SATB1: variants seen among roughly 807,000 people sequenced by gnomAD.
The protein encoded by SATB1 is SATB homeobox 1.
Under a neutral mutation model 86.9 loss-of-function variants are expected in SATB1, and 11 were observed. The observed-to-expected ratio is 0.13, with a 90% CI of 0.08 to 0.21. The LOEUF (loss-of-function observed/expected upper bound fraction) is 0.21, where lower values mean the gene tolerates loss of function less well. Among genes scored for constraint, SATB1 ranks in the 10% least tolerant of loss-of-function variants. SATB1 has a pLI of 1.00. For missense variants in SATB1, 551 were observed against 937.6 expected, an observed-to-expected ratio of 0.59 and a Z score of 5.39; for synonymous variants, 357 against 357.2, an observed-to-expected ratio of 1.00 and a Z score of 0.01.
intron 5 of SATB1, among the ~76,000 whole-genome samples, chr3:18,406,799 T>C (rs1697559510): frequency 6.6e-6 from 1 of 152,022 alleles, no homozygotes; most frequent in Admixed American, 6.6e-5. Flanking sequence ...TTAAGTATAA[T>C]AGGAAAATAT....
intron 9 of SATB1, among the ~76,000 whole-genome samples, chr3:18,356,190 C>T (rs6577640): frequency 0.95 from 144,222 of 151,948 alleles, 68,529 homozygotes; most frequent in East Asian, 1. Flanking sequence ...ACAAATCCTG[C>T]AAAGTTATGT....
At chr3:18,435,989 T>G (rs1323274559) in intron 2 of SATB1, among the ~76,000 whole-genome samples, 1 of 152,182 alleles carries the variant, frequency 6.6e-6, no homozygotes. Flanking sequence ...CACTCATATT[T>G]TAAAATGAAA....
In SATB1 at chr3:18,376,747, T is replaced by C. The variant is rs538667296; in HGVS notation, c.1575+1423A>G. 1.2e-3 allele frequency among the ~76,000 whole-genome samples: 179 copies of C among 152,304 alleles called. 1 individual carries two copies. The highest frequency in any genetic ancestry group is 4.1e-3 in the African/African-American group (170 of 41,560). ...CAATCAAAATTACAGTAATTTCCGA[T>C]ATACAAGCCATGATTCATGACAGAA... On this transcript the variant is annotated intron_variant, in intron 9 of 10. Coordinates refer to ENST00000338745, the MANE Select transcript of SATB1 (RefSeq NM_002971.6).
At chr3:18,369,649 C>T (rs1324576594) in intron 9 of SATB1, among the ~76,000 whole-genome samples, 1 of 150,150 alleles carries the variant, frequency 6.7e-6, no homozygotes, top group African/African-American at 2.5e-5. Context: ...TGTTATCAAT[C>T]TAGCACTGCA....
At chr3:18,415,039 G>A in intron 5 of SATB1, 72 bp downstream of exon 5, 2 of 1,564,706 alleles carry the variant, frequency 1.3e-6, no homozygotes, top group Non-Finnish European at 1.7e-6. Flanking sequence ...CTTTAAACCA[G>A]GGAGCTCCAT....
chr3:18,391,400 T>C (rs1696663604), intron 7 of SATB1, among the ~76,000 whole-genome samples: 1 of 152,128 alleles, frequency 6.6e-6, no homozygotes, highest in South Asian at 2.1e-4. Context: ...TATTATACTT[T>C]AAGTTTTAGG....
intron 5 of SATB1, among the ~76,000 whole-genome samples, chr3:18,404,972 G>GTATGTCTTC (rs1697449267): frequency 6.6e-6 from 1 of 151,970 alleles, no homozygotes; most frequent in African/African-American, 2.4e-5. Context: ...TATGAAATCT[G>GTATGTCTTC]TATGTCTTCT....
chr3:18,380,878 ATCT>A (rs1696020200), intron 8 of SATB1, among the ~76,000 whole-genome samples: 1 of 152,206 alleles, frequency 6.6e-6, no homozygotes, highest in Admixed American at 6.5e-5. Flanking sequence ...GTACAAAAAA[ATCT>A]TCTTTAATCC....
chr3:18,414,796 G>T (rs1469272889), intron 5 of SATB1, among the ~76,000 whole-genome samples: 1 of 152,014 alleles, frequency 6.6e-6, no homozygotes, highest in African/African-American at 2.4e-5. Flanking sequence ...TTAAATAAGG[G>T]CATTCAGGAG....
At chr3:18,377,757 T>C (rs1695837036) in intron 9 of SATB1, among the ~76,000 whole-genome samples, 2 of 152,286 alleles carry the variant, frequency 1.3e-5, no homozygotes, top group South Asian at 4.1e-4. Flanking sequence ...CCACATTAGA[T>C]GGCTGAATTG....
chr3:18,420,498 A>G (rs1337860555), intron 2 of SATB1, among the ~76,000 whole-genome samples: 4 of 152,122 alleles, frequency 2.6e-5, no homozygotes, highest in Non-Finnish European at 5.9e-5. Flanking sequence ...CAAAACTAAA[A>G]CCATTATATT....
chr3:18,389,528 C>G (rs1212282861), intron 7 of SATB1, among the ~76,000 whole-genome samples: 1 of 151,944 alleles, frequency 6.6e-6, no homozygotes, highest in African/African-American at 2.4e-5. Context: ...CCACCAGTTC[C>G]CATATCCTAT....
At chr3:18,351,218 C>T in intron 10 of SATB1, 2 of 949,602 alleles carry the variant, frequency 2.1e-6, no homozygotes, top group Non-Finnish European at 3.3e-6. Flanking sequence ...GTTAGTAGGG[C>T]CTTTACAGGT....
intron 2 of SATB1, among the ~76,000 whole-genome samples, chr3:18,436,129 A>C (rs1489386042): frequency 3.3e-5 from 5 of 152,226 alleles, no homozygotes; most frequent in Admixed American, 2.6e-4. Flanking sequence ...ATGGAGTAAA[A>C]TATTCATATA....
chr3:18,373,962 C>T (rs9284841), intron 9 of SATB1, among the ~76,000 whole-genome samples: 91,779 of 151,928 alleles, frequency 0.6, 28,290 homozygotes, highest in East Asian at 0.93. Context: ...AGAATTTTCA[C>T]CAGCTAGTTG....
Position 18,346,042 on chromosome 3 carries a change from G to A in SATB1, c.*3128C>T, listed in dbSNP as rs1385385930. 6.6e-6 allele frequency: 1 copy of A among 151,956 alleles called. No individual in the cohort carries two copies. The highest frequency in any genetic ancestry group is 1.5e-5 in the Non-Finnish European group (1 of 67,976). 9.4% of individuals were successfully genotyped at this position (151,956 alleles called of 1,614,324 possible). A position where few individuals can be genotyped will look rare whatever the true frequency, so the allele number is the denominator to read the frequency against. On this transcript the variant is annotated 3_prime_UTR_variant, in exon 11 of 11. Coordinates refer to ENST00000338745, the MANE Select transcript of SATB1 (RefSeq NM_002971.6). ...CTTATTTTAAACTCAGAATTTCTTA[G>A]TACTAAATGCTAACCAATACACATT...
Position 18,420,857 on chromosome 3 carries a change from C to T in SATB1, c.111G>A (p.Gly37=), listed in dbSNP as rs61760908. The T allele has an allele frequency of 2.6e-4, 415 of 1,614,200 alleles. 1 individual carries two copies. The highest frequency in any genetic ancestry group is 3.2e-4 in the Non-Finnish European group (374 of 1,180,038). The change falls in exon 2 of 11, where the codon GGG becomes GGA. Residue 37 remains glycine (G), a synonymous_variant. Transcript: ENST00000338745. ...PAKIARLEQN[G]SPLGRGRLGS... ...CAAGCCTTCCTCTTCCTAGCGGGCTCCCGTTCTGCTCCAGGCGGGCAATCT... is the reference window on the plus strand; with the variant it reads ...CAAGCCTTCCTCTTCCTAGCGGGCTTCCGTTCTGCTCCAGGCGGGCAATCT...
At chr3:18,399,737 C>T (rs900459539) in intron 5 of SATB1, among the ~76,000 whole-genome samples, 7 of 152,182 alleles carry the variant, frequency 4.6e-5, no homozygotes, top group East Asian at 3.9e-4. Context: ...AAGGCTAATC[C>T]GTAACTTATA....
chr3:18,438,651 G>C (rs1447589481), exon 1 of SATB1: 1 of 152,248 alleles, frequency 6.6e-6, no homozygotes, highest in East Asian at 1.9e-4. Context: ...CAATGATGAA[G>C]TTCTCTCTGG....
Sources: gnomAD v4.1 joint callset for allele counts (sites outside exome capture counted in the v4.1 genomes callset) on GRCh38, gnomAD v4.1.1 for gene constraint, MANE v1.5 for transcripts, NCBI Gene and HGNC (gene_info 2026-07-23, HGNC 2026-07-21) for gene names.